The following CPA6 variants were observed in gnomAD, a reference collection of about 807,000 sequenced individuals.
CPA6 encodes carboxypeptidase B.
In CPA6, 58 loss-of-function variants were observed where a neutral mutation model predicts 63.3. The observed-to-expected ratio is 0.92, with a 90% CI of 0.74 to 1.14. CPA6 has a LOEUF of 1.14. Ranked by LOEUF, CPA6 falls within the 50% of genes most tolerant of loss-of-function variation. CPA6 has a pLI of 0.00. For missense variants in CPA6, 565 were observed against 526.6 expected, an observed-to-expected ratio of 1.07 and a Z score of -0.71; for synonymous variants, 185 against 179.0, an observed-to-expected ratio of 1.03 and a Z score of -0.27.
At chr8:67,469,673 G>T (rs1182118063) in intron 8 of CPA6, among the ~76,000 whole-genome samples, 1 of 152,108 alleles carries the variant, frequency 6.6e-6, no homozygotes, top group Non-Finnish European at 1.5e-5. Context: ...AGTGAATTCT[G>T]CCTTCAGACT....
chr8:67,437,702 C>G (rs929109824), intron 8 of CPA6, among the ~76,000 whole-genome samples: 1 of 151,976 alleles, frequency 6.6e-6, no homozygotes, highest in African/African-American at 2.4e-5. Flanking sequence ...TGAATGAATA[C>G]AGTTGATGAA....
In CPA6 at chr8:67,688,305, C is replaced by A. The variant is rs80222368; in HGVS notation, c.116+57709G>T. Among the ~76,000 whole-genome samples, 1,036 of 152,212 alleles carry A rather than the reference C, an allele frequency of 6.8e-3. 7 individuals carry two copies. Among genetic ancestry groups the A allele is most frequent in the African/African-American group, 0.024 (977 of 41,520 alleles). On this transcript the variant is annotated intron_variant, in intron 1 of 10. Transcript: ENST00000297770. ...AGTTTAACCCAAATGACCAAGGGGA[C>A]AGATGAGATGCAGGATGACCAGATG...
rs538105586 is a variant in CPA6, at chr8:67,478,803, G to A, written c.838+4965C>T. Among the ~76,000 whole-genome samples, 11 of 152,282 alleles carry A rather than the reference G, an allele frequency of 7.2e-5. No homozygotes were observed. In the East Asian group the frequency reaches 1.2e-3, roughly 16 times the overall value. ...TGTAATCCCAGCACTTTGGGAGGCCGAGGCAGGTGGATCACTTGAGCTTAG... is the reference window on the plus strand; with the variant it reads ...TGTAATCCCAGCACTTTGGGAGGCCAAGGCAGGTGGATCACTTGAGCTTAG... On this transcript the variant is annotated intron_variant, in intron 8 of 10. Transcript: ENST00000297770.
chr8:67,664,463 C>T (rs1043906214), intron 1 of CPA6, among the ~76,000 whole-genome samples: 5 of 152,178 alleles, frequency 3.3e-5, no homozygotes, highest in African/African-American at 1.2e-4. Context: ...GTACTGTGCC[C>T]AAATGTAGCA....
Position 67,438,129 on chromosome 8 carries a change from G to T in CPA6, c.839-3889C>A, listed in dbSNP as rs1208271891. Among the ~76,000 whole-genome samples, 5 of 152,144 alleles carry T rather than the reference G, an allele frequency of 3.3e-5. No homozygotes were observed. The South Asian group carries it at 8.3e-4, about 25-fold the overall frequency. On this transcript the variant is annotated intron_variant, in intron 8 of 10. Transcript: ENST00000297770. Reference sequence around the variant, plus strand: ...GACGGGGTTTCACCATGTTTGCCAGGCTTGTCTTGAACTCCTGACCTCAAG... The same window carrying T: ...GACGGGGTTTCACCATGTTTGCCAGTCTTGTCTTGAACTCCTGACCTCAAG...
intron 1 of CPA6, among the ~76,000 whole-genome samples, chr8:67,745,416 AG>A (rs1305363406): frequency 1.3e-5 from 2 of 152,206 alleles, no homozygotes; most frequent in South Asian, 2.1e-4. Flanking sequence ...TTACCTACGG[AG>A]GGGGGACAAA....
chr8:67,687,514 C>A (rs943041973), intron 1 of CPA6, among the ~76,000 whole-genome samples: 2 of 151,906 alleles, frequency 1.3e-5, no homozygotes, highest in African/African-American at 4.9e-5. Context: ...AGTCCTGGGA[C>A]CTTTTGCAAA....
At chr8:67,599,605 A>G (rs1418172817) in intron 2 of CPA6, among the ~76,000 whole-genome samples, 1 of 152,252 alleles carries the variant, frequency 6.6e-6, no homozygotes, top group Non-Finnish European at 1.5e-5. Context: ...CCTGAAAAAT[A>G]ATAAAACCTA....
chr8:67,506,863 C>T lies in CPA6; in HGVS notation c.560G>A (p.Arg187Lys). The T allele has an allele frequency of 6.2e-7, 1 of 1,613,536 alleles. No homozygotes were observed. ...LKLGRRSRLK[R>K]AVWIDCGIHA... Reference sequence around the variant, plus strand: ...AATACCACAGTCTATCCAAACAGCTCTTTTGAGTCGTGATCGTCTGCCCAG... The same window carrying T: ...AATACCACAGTCTATCCAAACAGCTTTTTTGAGTCGTGATCGTCTGCCCAG... Residue 187 changes from arginine to lysine, a missense_variant, in exon 6 of 11, where the codon AGA (arginine) becomes AAA (lysine). Arg to Lys is a conservative substitution (Grantham distance 26). Transcript: ENST00000297770.
In CPA6 at chr8:67,714,196, T is replaced by A. The variant is rs77263286; in HGVS notation, c.116+31818A>T. ...GGTACATAAGTTATACATTACTTCT[T>A]CACCGCGTCTCCACTCTCAAGATAT... On this transcript the variant is annotated intron_variant, in intron 1 of 10. Coordinates refer to ENST00000297770, the MANE Select transcript of CPA6 (RefSeq NM_020361.5). 6.5e-3 allele frequency among the ~76,000 whole-genome samples: 996 copies of A among 152,286 alleles called. 11 individuals are homozygous for A. The highest frequency in any genetic ancestry group is 0.021 in the African/African-American group (890 of 41,546).
chr8:67,718,854 C>T (rs747228941), intron 1 of CPA6, among the ~76,000 whole-genome samples: 15 of 152,066 alleles, frequency 9.9e-5, no homozygotes, highest in Non-Finnish European at 1.3e-4. Context: ...ACCATGTTGG[C>T]TAGGATGGTC....
chr8:67,442,113 T>C (rs1209990617), intron 8 of CPA6, among the ~76,000 whole-genome samples: 1 of 152,154 alleles, frequency 6.6e-6, no homozygotes, highest in Non-Finnish European at 1.5e-5. Context: ...AGTCAGACTA[T>C]GTGTAATAAT....
At chr8:67,613,573 T>C (rs1320381887) in intron 2 of CPA6, among the ~76,000 whole-genome samples, 1 of 152,274 alleles carries the variant, frequency 6.6e-6, no homozygotes, top group Middle Eastern at 3.4e-3. Context: ...AATGATTGAC[T>C]CTTTCTGTGG....
intron 1 of CPA6, among the ~76,000 whole-genome samples, chr8:67,732,389 G>T (rs1349985825): frequency 2.0e-5 from 3 of 152,094 alleles, no homozygotes; most frequent in Middle Eastern, 3.4e-3. Flanking sequence ...TTCCTTCCTC[G>T]CTCTCTCTCA....
chr8:67,455,664 A>C (rs376889551), intron 8 of CPA6, among the ~76,000 whole-genome samples: 2 of 96,016 alleles, frequency 2.1e-5, no homozygotes, highest in Admixed American at 1.1e-4. Flanking sequence ...CTACAAAAGC[A>C]AAAAAAAAAA....
chr8:67,446,054 G>A (rs1402739569), intron 8 of CPA6, among the ~76,000 whole-genome samples: 3 of 152,128 alleles, frequency 2.0e-5, no homozygotes, highest in Non-Finnish European at 2.9e-5. Flanking sequence ...CACGAGGTCA[G>A]GAGATCGAGA....
At chr8:67,445,445 T>C (rs1810389891) in intron 8 of CPA6, among the ~76,000 whole-genome samples, 1 of 152,126 alleles carries the variant, frequency 6.6e-6, no homozygotes, top group Non-Finnish European at 1.5e-5. Context: ...TAAGAAACTT[T>C]TTGCATATCC....
intron 1 of CPA6, among the ~76,000 whole-genome samples, chr8:67,711,686 T>TACACACACACACAC (rs5892094): frequency 1.2e-3 from 159 of 133,948 alleles, no homozygotes; most frequent in African/African-American, 4.8e-3. Context: ...TATGCCTGTG[T>TACACACACACACAC]ACACACACAC....
intron 1 of CPA6, among the ~76,000 whole-genome samples, chr8:67,726,724 A>C (rs2129002479): frequency 6.6e-6 from 1 of 152,362 alleles, no homozygotes; most frequent in East Asian, 1.9e-4. Flanking sequence ...AGCATGATGC[A>C]GGGAGGTTCT....
Sources: gnomAD v4.1 joint callset for allele counts (sites outside exome capture counted in the v4.1 genomes callset) on GRCh38, gnomAD v4.1.1 for gene constraint, MANE v1.5 for transcripts, NCBI Gene and HGNC (gene_info 2026-07-23, HGNC 2026-07-21) for gene names.